SPICE1: variants seen among roughly 807,000 people sequenced by gnomAD.
SPICE1 encodes the protein spindle and centriole associated protein 1.
SPICE1 carries 75 observed loss-of-function variants against 102.7 expected under a neutral mutation model. The observed-to-expected ratio is 0.73, with a 90% CI of 0.61 to 0.88. The LOEUF is 0.88. Ranked by LOEUF, SPICE1 falls within the 40% of genes least tolerant of loss-of-function variation. The pLI is 0.00. For missense variants in SPICE1, 979 were observed against 1,020.1 expected (o/e 0.96, Z 0.55); for synonymous variants, 308 against 350.3 (o/e 0.88, Z 1.35).
chr3:113,474,700 A>C (rs1365902563), intron 7 of SPICE1, among the ~76,000 whole-genome samples: 1 of 152,232 alleles, frequency 6.6e-6, no homozygotes, highest in Non-Finnish European at 1.5e-5. Flanking sequence ...TGGGTACATA[A>C]ATAAATGAAG....
rs1935429482 is a variant in SPICE1 at position 113,443,257 on chromosome 3, T to C, written c.*2050A>G. The C allele has an allele frequency of 6.6e-6, 1 of 152,202 alleles. No individual in the cohort carries two copies. The highest frequency in any genetic ancestry group is 2.4e-5 in the African/African-American group (1 of 41,456). The allele number at this position is 152,202 out of a possible 1,614,324, so 9.4% of individuals were successfully genotyped here. A position where few individuals can be genotyped will look rare whatever the true frequency, so the allele number is the denominator to read the frequency against. ...TTCAAATGGGAAAGATTAGATTAAT[T>C]TGTCCAAAGTACACAGCTCAAGTGG... is the stretch of plus-strand genomic sequence containing the variant. On this transcript the variant is annotated 3_prime_UTR_variant, in exon 18 of 18. Coordinates refer to ENST00000295872, the MANE Select transcript of SPICE1 (RefSeq NM_144718.4).
At chr3:113,486,411 G>C (rs1936649204) in intron 7 of SPICE1, among the ~76,000 whole-genome samples, 1 of 150,508 alleles carries the variant, frequency 6.6e-6, no homozygotes, top group Non-Finnish European at 1.5e-5. Flanking sequence ...ATGAATCCAG[G>C]AGCTGGTTTT....
At chr3:113,467,175 A>T (rs1178400797) in intron 10 of SPICE1, among the ~76,000 whole-genome samples, 1 of 152,280 alleles carries the variant, frequency 6.6e-6, no homozygotes, top group Non-Finnish European at 1.5e-5. Flanking sequence ...TATTTGTATA[A>T]CAGGCTTAAG....
At chr3:113,469,500 G>A (rs1489195060) in intron 7 of SPICE1, among the ~76,000 whole-genome samples, 1 of 144,038 alleles carries the variant, frequency 6.9e-6, no homozygotes, top group African/African-American at 2.5e-5. Flanking sequence ...TATATTACAT[G>A]TAATTTAATT....
intron 13 of SPICE1, among the ~76,000 whole-genome samples, chr3:113,454,499 A>G (rs967273333): frequency 1.3e-5 from 2 of 152,120 alleles, no homozygotes; most frequent in African/African-American, 4.8e-5. Context: ...ACCTCAGGTC[A>G]GGAGTTCGAG....
chr3:113,482,680 T>C (rs1401061142), intron 7 of SPICE1, among the ~76,000 whole-genome samples: 2 of 152,210 alleles, frequency 1.3e-5, no homozygotes, highest in Admixed American at 1.3e-4. Context: ...CTTTCCCTAT[T>C]GTTTGTCTTG....
In SPICE1 at chr3:113,473,161, C is replaced by T. The variant is rs150064499; in HGVS notation, c.612-3923G>A. On this transcript the variant is annotated intron_variant, in intron 7 of 17. Coordinates refer to ENST00000295872, the MANE Select transcript of SPICE1 (RefSeq NM_144718.4). ...AACGCAGAAGCCTCAGGAGCTAATGCGATCAACTGGAAGAAAGGGTATCAG... is the reference window on the plus strand; with the variant it reads ...AACGCAGAAGCCTCAGGAGCTAATGTGATCAACTGGAAGAAAGGGTATCAG... Among the ~76,000 whole-genome samples the T allele has an allele frequency of 2.1e-3, 326 of 152,102 alleles. 2 individuals carry two copies. Among genetic ancestry groups the T allele is most frequent in the African/African-American group, 7.6e-3 (314 of 41,510 alleles).
At chr3:113,502,241 TG>T (rs1421375954) in intron 3 of SPICE1, among the ~76,000 whole-genome samples, 2 of 152,090 alleles carry the variant, frequency 1.3e-5, no homozygotes, top group South Asian at 4.1e-4. Flanking sequence ...CCAGGCGTGG[TG>T]GCATGCACCT....
At chr3:113,488,373 A>G (rs1936691777) in intron 7 of SPICE1, among the ~76,000 whole-genome samples, 1 of 152,236 alleles carries the variant, frequency 6.6e-6, no homozygotes, top group African/African-American at 2.4e-5. Flanking sequence ...ATGAGTGGAT[A>G]AAGAAAATGT....
intron 12 of SPICE1, chr3:113,459,512 A>G (rs1479359424): frequency 1.0e-6 from 1 of 984,592 alleles, no homozygotes; most frequent in Non-Finnish European, 1.2e-6. Flanking sequence ...TACCTATAGG[A>G]TAATTAAAAG....
At chr3:113,505,519 G>A (rs1025583808) in intron 2 of SPICE1, among the ~76,000 whole-genome samples, 1 of 152,138 alleles carries the variant, frequency 6.6e-6, no homozygotes, top group Admixed American at 6.6e-5. Context: ...GAATCCCTGA[G>A]ATCCAAACTA....
chr3:113,490,599 G>A (rs915169065), intron 6 of SPICE1, among the ~76,000 whole-genome samples: 6 of 151,712 alleles, frequency 4.0e-5, no homozygotes, highest in Admixed American at 3.3e-4. Context: ...TCATGATTGT[G>A]CCACTGCATT....
intron 3 of SPICE1, among the ~76,000 whole-genome samples, chr3:113,502,212 C>A (rs1244334600): frequency 6.6e-6 from 1 of 151,968 alleles, no homozygotes; most frequent in Non-Finnish European, 1.5e-5. Context: ...CCTGTGTCTA[C>A]AAAAAATACA....
At chr3:113,473,436 C>A (rs140995719) in intron 7 of SPICE1, among the ~76,000 whole-genome samples, 2 of 152,092 alleles carry the variant, frequency 1.3e-5, no homozygotes, top group South Asian at 4.1e-4. Context: ...ATACAGAGAA[C>A]ACCACAAAGA....
intron 1 of SPICE1, among the ~76,000 whole-genome samples, chr3:113,513,534 A>G (rs188987941): frequency 2.8e-4 from 43 of 152,254 alleles, no homozygotes; most frequent in Admixed American, 2.6e-3. Context: ...CATACCCCAA[A>G]TCTCTACTTG....
chr3:113,460,506 A>G (rs569264948), intron 12 of SPICE1, 111 bp downstream of exon 12: 58 of 1,467,162 alleles, frequency 4.0e-5, no homozygotes, highest in Admixed American at 1.8e-4. Context: ...AATACTGTAC[A>G]TGCATAAACA....
intron 16 of SPICE1, among the ~76,000 whole-genome samples, chr3:113,447,793 G>A (rs1232695382): frequency 6.6e-6 from 1 of 152,118 alleles, no homozygotes; most frequent in Non-Finnish European, 1.5e-5. Context: ...TAACCCGTAA[G>A]TACTCTACAT....
At chr3:113,477,100 C>G (rs1936369594) in intron 7 of SPICE1, among the ~76,000 whole-genome samples, 1 of 151,958 alleles carries the variant, frequency 6.6e-6, no homozygotes, top group Non-Finnish European at 1.5e-5. Context: ...AAAAAACAAA[C>G]AACCCCATCA....
At chr3:113,464,824 A>C (rs1936014793) in intron 11 of SPICE1, among the ~76,000 whole-genome samples, 1 of 152,182 alleles carries the variant, frequency 6.6e-6, no homozygotes, top group African/African-American at 2.4e-5. Context: ...GTGCACAAAG[A>C]AGCAAGGTGC....
Sources: allele counts gnomAD v4.1 joint callset (sites outside exome capture counted in the v4.1 genomes callset), GRCh38; gene constraint gnomAD v4.1.1; transcripts MANE v1.5; gene names NCBI Gene and HGNC (gene_info 2026-07-23, HGNC 2026-07-21).